The following ARK2N variants were observed in gnomAD, a reference collection of about 807,000 sequenced individuals.
ARK2N encodes protein ARK2N.
chr18:46,197,715 TGG>T, the ARK2N span, among the ~76,000 whole-genome samples: 2 of 152,104 alleles, frequency 1.3e-5, no homozygotes, highest in African/African-American at 2.4e-5. Context: ...AGTTAGTCGT[TGG>T]ATAACATCTG....
the ARK2N span, among the ~76,000 whole-genome samples, chr18:46,237,183 T>C: frequency 1.3e-5 from 2 of 152,104 alleles, no homozygotes; most frequent in Non-Finnish European, 2.9e-5. Context: ...AATAATGTGC[T>C]GAATTTTCCT....
At chr18:46,228,682 T>C in the ARK2N span, 292,209 of 396,170 alleles carry the variant, frequency 0.74, 108,200 homozygotes, top group Middle Eastern at 0.76. Flanking sequence ...GCCTCCCAGG[T>C]TCAAGCAATC....
chr18:46,225,522 G>A, the ARK2N span, among the ~76,000 whole-genome samples: 1 of 152,054 alleles, frequency 6.6e-6, no homozygotes, highest in Non-Finnish European at 1.5e-5. Context: ...GCAATGGCGC[G>A]ATCTCGGCCC....
the ARK2N span, among the ~76,000 whole-genome samples, chr18:46,208,464 CTTTTTTTTTTTTTT>C: frequency 1.5e-5 from 1 of 68,388 alleles, no homozygotes; most frequent in African/African-American, 4.9e-5. Flanking sequence ...GTTCTTAAAT[CTTTTTTTTTTTTTT>C]TTTTTTTTTT....
chr18:46,263,152 C>A, the ARK2N span: 2 of 1,533,898 alleles, frequency 1.3e-6, no homozygotes, highest in South Asian at 2.4e-5. Context: ...GCACTGTTCC[C>A]TTCCACTTCC....
chr18:46,205,601 T>C, the ARK2N span, among the ~76,000 whole-genome samples: 1 of 152,250 alleles, frequency 6.6e-6, no homozygotes, highest in Non-Finnish European at 1.5e-5. Context: ...TTAAAGTCTC[T>C]TCTGTGTTCA....
At chr18:46,186,798 G>A in the ARK2N span, among the ~76,000 whole-genome samples, 8 of 143,972 alleles carry the variant, frequency 5.6e-5, no homozygotes, top group South Asian at 1.4e-3. Flanking sequence ...GTGAGCCCCC[G>A]TGCCCGGCCG....
At chr18:46,224,533 C>T in the ARK2N span, among the ~76,000 whole-genome samples, 1 of 152,130 alleles carries the variant, frequency 6.6e-6, no homozygotes, top group South Asian at 2.1e-4. Context: ...TAAGGACATA[C>T]ATTAAAATCA....
At chr18:46,200,434 A>G in the ARK2N span, among the ~76,000 whole-genome samples, 1 of 152,040 alleles carries the variant, frequency 6.6e-6, no homozygotes, top group Non-Finnish European at 1.5e-5. Context: ...CAGCCTCCTC[A>G]GTAGCTGGGA....
the ARK2N span, among the ~76,000 whole-genome samples, chr18:46,189,506 G>T: frequency 1.3e-5 from 2 of 152,024 alleles, no homozygotes; most frequent in African/African-American, 4.8e-5. Context: ...ACCCAGGCTG[G>T]CCTTAAATTT....
chr18:46,195,667 C>A, the ARK2N span, among the ~76,000 whole-genome samples: 1 of 148,248 alleles, frequency 6.7e-6, no homozygotes, highest in East Asian at 2.0e-4. Context: ...GCCTCCGCCT[C>A]CTGAGTTCAA....
chr18:46,244,204 T>A, the ARK2N span, among the ~76,000 whole-genome samples: 1 of 152,220 alleles, frequency 6.6e-6, no homozygotes, highest in Non-Finnish European at 1.5e-5. Context: ...GCTTCATTTT[T>A]GTTGCTAGTA....
chr18:46,215,916 A>G, the ARK2N span: 1 of 1,613,862 alleles, frequency 6.2e-7, no homozygotes, highest in South Asian at 1.1e-5. Flanking sequence ...AAGTTGAAGA[A>G]CTCATTGAGT....
chr18:46,255,703 G>A, the ARK2N span, among the ~76,000 whole-genome samples: 1,978 of 151,006 alleles, frequency 0.013, 49 homozygotes, highest in African/African-American at 0.043. Flanking sequence ...CACCCACCTC[G>A]GCCTCCCAAA....
At chr18:46,207,073 G>A in the ARK2N span, among the ~76,000 whole-genome samples, 1 of 152,028 alleles carries the variant, frequency 6.6e-6, no homozygotes, top group South Asian at 2.1e-4. Flanking sequence ...GCTGAACCTG[G>A]TCAATTCTTA....
At chr18:46,188,261 C>T in the ARK2N span, among the ~76,000 whole-genome samples, 3 of 152,104 alleles carry the variant, frequency 2.0e-5, no homozygotes, top group Admixed American at 6.6e-5. Flanking sequence ...AGTGCAATGG[C>T]ACGATCTTGG....
the ARK2N span, among the ~76,000 whole-genome samples, chr18:46,244,644 C>T: frequency 1.5e-5 from 2 of 133,550 alleles, no homozygotes; most frequent in Non-Finnish European, 3.1e-5. Flanking sequence ...TCCAGTCACC[C>T]AGGCTGGAGT....
At chr18:46,224,262 T>TG in the ARK2N span, among the ~76,000 whole-genome samples, 74 of 152,154 alleles carry the variant, frequency 4.9e-4, no homozygotes, top group Non-Finnish European at 6.6e-4. Context: ...CTACATTTTT[T>TG]TGTGTGTGTG....
chr18:46,257,763 G>A, the ARK2N span, among the ~76,000 whole-genome samples: 2 of 151,964 alleles, frequency 1.3e-5, no homozygotes, highest in African/African-American at 4.8e-5. Context: ...AGATCTGTAT[G>A]TTATGGAACC....
Sources: gnomAD v4.1 joint callset for allele counts (sites outside exome capture counted in the v4.1 genomes callset) on GRCh38, gnomAD v4.1.1 for gene constraint, MANE v1.5 for transcripts, NCBI Gene and HGNC (gene_info 2026-07-23, HGNC 2026-07-21) for gene names.